MTA3: variants seen among roughly 807,000 people sequenced by gnomAD.
MTA3 encodes metastasis-associated protein MTA3.
MTA3 carries 34 observed loss-of-function variants against 83.5 expected under a neutral mutation model. The observed-to-expected ratio is 0.41, with a 90% CI of 0.31 to 0.54. The LOEUF is 0.54. MTA3 is among the 20% of genes least tolerant of loss of function. The probability of loss-of-function intolerance (pLI) is 0.33; values close to 1 mark genes in which losing one functional copy is unlikely to be tolerated. For synonymous variants in MTA3, 303 were observed against 252.7 expected, an observed-to-expected ratio of 1.20 and a Z score of -1.89; for missense variants, 761 against 726.4, an observed-to-expected ratio of 1.05 and a Z score of -0.55.
chr2:42,571,006 C>T (rs556136674), intron 2 of MTA3, among the ~76,000 whole-genome samples: 21 of 150,652 alleles, frequency 1.4e-4, no homozygotes, highest in East Asian at 3.9e-4. Context: ...AGATAAACTC[C>T]GTCTCAAAAA....
intron 2 of MTA3, among the ~76,000 whole-genome samples, chr2:42,577,106 ATATAT>A (rs1187212956): frequency 3.1e-5 from 2 of 65,168 alleles, no homozygotes; most frequent in African/African-American, 6.8e-5. Flanking sequence ...AAAAAAAAAA[ATATAT>A]ATATATATAT....
Position 42,589,999 on chromosome 2 carries a change from G to C in MTA3, c.190+10799G>C, listed in dbSNP as rs933648366. On this transcript the variant is annotated intron_variant, in intron 3 of 16. Coordinates refer to ENST00000405094, the MANE Select transcript of MTA3 (RefSeq NM_001330442.2). ...GTTGTGAGAAGTGGAGATGAGGAGA[G>C]ATCAGTCTGATGCCTTGAGCTTGTG... Among the ~76,000 whole-genome samples, 3 of 152,282 alleles carry C rather than the reference G, an allele frequency of 2.0e-5. No individual in the cohort carries two copies. In the South Asian group the frequency reaches 6.2e-4, roughly 32 times the overall value.
At chr2:42,630,469 G>A (rs543193104) in intron 4 of MTA3, among the ~76,000 whole-genome samples, 68 of 152,256 alleles carry the variant, frequency 4.5e-4, no homozygotes, top group African/African-American at 1.5e-3. Context: ...TATTCCATGC[G>A]TATAGAAGCA....
chr2:42,740,648 G>A (rs770888906), intron 16 of MTA3, among the ~76,000 whole-genome samples: 1 of 152,262 alleles, frequency 6.6e-6, no homozygotes, highest in Non-Finnish European at 1.5e-5. Flanking sequence ...GCTCTTGGGT[G>A]ACCAAGTGCA....
chr2:42,675,476 G>A (rs1691259547), intron 8 of MTA3, among the ~76,000 whole-genome samples: 1 of 152,008 alleles, frequency 6.6e-6, no homozygotes, highest in Non-Finnish European at 1.5e-5. Flanking sequence ...TATACATATG[G>A]TAACATATAT....
intron 2 of MTA3, among the ~76,000 whole-genome samples, chr2:42,531,042 C>G (rs942761457): frequency 1.3e-5 from 2 of 152,172 alleles, no homozygotes; most frequent in Non-Finnish European, 2.9e-5. Context: ...GTTGGCCAGG[C>G]TGGTCCTGAA....
intron 2 of MTA3, among the ~76,000 whole-genome samples, chr2:42,548,830 ATATATATATATAT>A (rs1676895878): frequency 1.7e-3 from 9 of 5,288 alleles, no homozygotes; most frequent in African/African-American, 4.4e-3. Context: ...TATATATATA[ATATATATATATAT>A]ATAATATATA....
At position 42,688,293 on chromosome 2, in the gene MTA3, A is replaced by G. The variant is rs577024951; in HGVS notation, c.891+5704A>G. ...TAGATGCAGTCTCACCATGCTACCC[A>G]GGCTGGTCTCCAACTCCTGGGCTCA... On this transcript the variant is annotated intron_variant, in intron 9 of 16. Coordinates refer to ENST00000405094, the MANE Select transcript of MTA3 (RefSeq NM_001330442.2). Among the ~76,000 whole-genome samples, 508 of 152,316 alleles carry G rather than the reference A, an allele frequency of 3.3e-3. 1 individual carries two copies. Among genetic ancestry groups the G allele is most frequent in the African/African-American group, 0.012 (484 of 41,560 alleles).
intron 9 of MTA3, among the ~76,000 whole-genome samples, chr2:42,692,118 A>G (rs1414878783): frequency 6.6e-6 from 1 of 151,814 alleles, no homozygotes; most frequent in Non-Finnish European, 1.5e-5. Context: ...TTTCAAGGCT[A>G]TTTTCTAGAT....
At chr2:42,606,929 C>T (rs1339184434) in intron 3 of MTA3, among the ~76,000 whole-genome samples, 7 of 148,956 alleles carry the variant, frequency 4.7e-5, no homozygotes, top group South Asian at 2.2e-4. Flanking sequence ...ACCAGTCAGG[C>T]GTGGCGGCGC....
At chr2:42,717,278 G>A (rs911946304) in intron 14 of MTA3, among the ~76,000 whole-genome samples, 3 of 151,888 alleles carry the variant, frequency 2.0e-5, no homozygotes, top group Non-Finnish European at 4.4e-5. Context: ...TTCCCTGTGT[G>A]TATGCCCAGA....
At chr2:42,532,778 G>T in intron 2 of MTA3, 1 of 325,822 alleles carries the variant, frequency 3.1e-6, no homozygotes, top group Non-Finnish European at 6.0e-6. Flanking sequence ...TGAACTCATA[G>T]GGAATGGGTT....
chr2:42,741,035 A>G (rs368009381), intron 16 of MTA3, among the ~76,000 whole-genome samples: 2 of 152,268 alleles, frequency 1.3e-5, no homozygotes, highest in Non-Finnish European at 2.9e-5. Context: ...AGCTGCCTTC[A>G]TCAGTGATCT....
chr2:42,580,939 T>C (rs1679548953), intron 3 of MTA3, among the ~76,000 whole-genome samples: 2 of 152,208 alleles, frequency 1.3e-5, no homozygotes, highest in South Asian at 4.1e-4. Context: ...CCCTGAAGCT[T>C]TTGAAATGTT....
intron 9 of MTA3, among the ~76,000 whole-genome samples, chr2:42,687,156 C>G (rs1023320108): frequency 1.4e-4 from 21 of 152,010 alleles, no homozygotes; most frequent in African/African-American, 5.1e-4. Flanking sequence ...TCACCACAAT[C>G]AAGACACAGT....
intron 4 of MTA3, among the ~76,000 whole-genome samples, chr2:42,617,099 A>G (rs1684990570): frequency 6.6e-6 from 1 of 152,210 alleles, no homozygotes; most frequent in South Asian, 2.1e-4. Context: ...AGCAACCATG[A>G]GAAAGGGATA....
chr2:42,658,126 A>C (rs1349948722), intron 7 of MTA3, among the ~76,000 whole-genome samples: 1 of 148,812 alleles, frequency 6.7e-6, no homozygotes, highest in African/African-American at 2.4e-5. Flanking sequence ...AATTAAGACC[A>C]CAGTCAAATA....
At chr2:42,679,548 G>T (rs1007261836) in intron 8 of MTA3, among the ~76,000 whole-genome samples, 4 of 152,174 alleles carry the variant, frequency 2.6e-5, no homozygotes, top group African/African-American at 9.7e-5. Flanking sequence ...GTTACCTAAG[G>T]CACAGTGGTG....
chr2:42,530,783 C>CT (rs1174098580), intron 2 of MTA3, among the ~76,000 whole-genome samples: 1 of 152,004 alleles, frequency 6.6e-6, no homozygotes, highest in Non-Finnish European at 1.5e-5. Context: ...GAAACTCTGT[C>CT]TGAAAAAAAG....
Sources: gnomAD v4.1 joint callset for allele counts (sites outside exome capture counted in the v4.1 genomes callset) on GRCh38, gnomAD v4.1.1 for gene constraint, MANE v1.5 for transcripts, NCBI Gene and HGNC (gene_info 2026-07-23, HGNC 2026-07-21) for gene names.